The following FBXL16 variants were observed in gnomAD, a reference collection of about 807,000 sequenced individuals.
The protein encoded by FBXL16 is F-box/LRR-repeat protein 16.
Under a neutral mutation model 36.7 loss-of-function variants are expected in FBXL16, and 7 were observed. That is an observed-to-expected ratio of 0.19 (90% CI 0.11 to 0.36). The LOEUF (loss-of-function observed/expected upper bound fraction) is 0.36, where lower values mean the gene tolerates loss of function less well. Ranked by LOEUF, FBXL16 falls within the 10% of genes least tolerant of loss-of-function variation. FBXL16 has a pLI of 1.00. For missense variants in FBXL16, 463 were observed against 659.4 expected, an observed-to-expected ratio of 0.70 and a Z score of 3.26; for synonymous variants, 355 against 308.7, an observed-to-expected ratio of 1.15 and a Z score of -1.57.
Position 696,961 on chromosome 16 carries a change from C to T in FBXL16, c.445G>A (p.Val149Met), listed in dbSNP as rs374334718. ...AACTCCTTCTCGCCACCAGGCAGCA[C>T]GTTGTAGAGCTCCTTGGCATGCAGC... ...PVLHAKELYN[V>M]LPGGEKEFVN... is the part of the protein sequence containing the mutation. Residue 149 changes from valine (V) to methionine (M), a missense_variant, in exon 2 of 6, where the codon GTG becomes ATG. Coordinates refer to ENST00000397621, the MANE Select transcript of FBXL16 (RefSeq NM_153350.4). The T allele has an allele frequency of 1.2e-5, 20 of 1,600,980 alleles. No homozygotes were observed. The highest frequency in any genetic ancestry group is 3.5e-5 in the Admixed American group (2 of 57,686).
At position 695,741 on chromosome 16, in the gene FBXL16, C is replaced by T. The variant is rs1298214607; in HGVS notation, c.816G>A (p.Glu272=). ...AISQLLPNLA[E]LSLQAYHVTD... Reference sequence around the variant, plus strand: ...TCACGTGGTAGGCCTGCAGGCTCAGCTCCGCCAGGTTGGGCAGCAGCTGCG... The same window carrying T: ...TCACGTGGTAGGCCTGCAGGCTCAGTTCCGCCAGGTTGGGCAGCAGCTGCG... The change falls in exon 3 of 6, where the codon GAG becomes GAA. Residue 272 remains glutamate, a synonymous_variant. Coordinates refer to ENST00000397621, the MANE Select transcript of FBXL16 (RefSeq NM_153350.4). 3 of 1,603,206 alleles carry T rather than the reference C, an allele frequency of 1.9e-6. No individual in the cohort carries two copies. Among genetic ancestry groups the T allele is most frequent in the Admixed American group, 1.7e-5 (1 of 59,904 alleles).
chr16:704,307 G>C (rs935292919), intron 1 of FBXL16, among the ~76,000 whole-genome samples: 2 of 152,200 alleles, frequency 1.3e-5, no homozygotes, highest in Admixed American at 6.5e-5. Flanking sequence ...CCGGAAGTGG[G>C]TGTGAGCTGG....
chr16:703,934 G>A (rs1476767824), intron 1 of FBXL16, among the ~76,000 whole-genome samples: 1 of 152,248 alleles, frequency 6.6e-6, no homozygotes, highest in Admixed American at 6.5e-5. Context: ...CCAGGCAGCT[G>A]CCACTAACCA....
intron 4 of FBXL16, 120 bp from the exon 5 acceptor site, chr16:694,817 G>A: frequency 7.6e-7 from 1 of 1,318,684 alleles, no homozygotes; most frequent in Non-Finnish European, 1.1e-6. Context: ...CCCCGGAGCC[G>A]GGAGGCGGCT....
intron 1 of FBXL16, among the ~76,000 whole-genome samples, chr16:698,095 G>C (rs28699289): frequency 0.16 from 24,861 of 151,882 alleles, 6,469 homozygotes; most frequent in African/African-American, 0.55. Context: ...TCTCTGCCTC[G>C]TAGGTTCAAG....
intron 1 of FBXL16, among the ~76,000 whole-genome samples, chr16:699,290 C>T (rs910583581): frequency 2.0e-5 from 3 of 152,244 alleles, no homozygotes; most frequent in African/African-American, 7.2e-5. Flanking sequence ...CTCCTCAGGC[C>T]TCCAGTCTGT....
At position 695,899 on chromosome 16, in the gene FBXL16, C is replaced by G; in HGVS notation, c.658G>C (p.Val220Leu). The G allele has an allele frequency of 1.3e-6, 2 of 1,593,626 alleles. No individual in the cohort carries two copies. The highest frequency in any genetic ancestry group is 1.7e-6 in the Non-Finnish European group (2 of 1,165,808). The change falls in exon 3 of 6, where the codon GTG becomes CTG. Residue 220 changes from valine (V) to leucine (L), a missense_variant. Around this residue, in one of 3 missense-constraint regions of FBXL16, gnomAD observed 263 missense variants for 341.1 expected, o/e 0.77. Coordinates refer to ENST00000397621, the MANE Select transcript of FBXL16 (RefSeq NM_153350.4). Reference sequence around the variant, plus strand: ...CAGCCCGACAGCTCCAGACGCACCACGCCCTGCATCTGTTCAAGCATAACC... The same window carrying G: ...CAGCCCGACAGCTCCAGACGCACCAGGCCCTGCATCTGTTCAAGCATAACC... ...LEVMLEQMQG[V>L]VRLELSGCND...
In FBXL16 at chr16:695,588, G is replaced by A. The variant is rs769227552; in HGVS notation, c.969C>T (p.Thr323=). 4 of 1,605,802 alleles carry A rather than the reference G, an allele frequency of 2.5e-6. No individual in the cohort carries two copies. Among genetic ancestry groups the A allele is most frequent in the Non-Finnish European group, 3.4e-6 (4 of 1,179,004 alleles). The change falls in exon 3 of 6, where the codon ACC becomes ACT. Residue 323 remains threonine (T), a synonymous_variant. Coordinates refer to ENST00000397621, the MANE Select transcript of FBXL16 (RefSeq NM_153350.4). The part of the protein sequence containing the change: ...VNVVHSLPNL[T]ALSLSGCSKV... ...TGGAGCAGCCCGAGAGGCTGAGCGC[G>A]GTGAGGTTGGGCAGGCTGTGCACCA...
rs1388691068 is a variant in FBXL16 at position 694,259 on chromosome 16, G to C, written c.*16C>G. The C allele has an allele frequency of 2.9e-6, 4 of 1,360,748 alleles. No homozygotes were observed. In the African/African-American group the frequency reaches 6.1e-5, roughly 21 times the overall value. 84.3% of individuals were successfully genotyped at this position (1,360,748 alleles called of 1,614,324 possible). A position where few individuals can be genotyped will look rare whatever the true frequency, so the allele number is the denominator to read the frequency against. On this transcript the variant is annotated 3_prime_UTR_variant, in exon 6 of 6. Coordinates refer to ENST00000397621, the MANE Select transcript of FBXL16 (RefSeq NM_153350.4). The stretch of plus-strand genomic sequence containing the variant: ...GGTCATGGCCGGGTTCCCGCGACCG[G>C]GGCGGGGGCCTCGCGCTACTCAATG...
At chr16:703,859 A>T (rs933493000) in intron 1 of FBXL16, among the ~76,000 whole-genome samples, 1 of 152,220 alleles carries the variant, frequency 6.6e-6, no homozygotes, top group African/African-American at 2.4e-5. Context: ...GCCTCATCTC[A>T]GCCCCTGCTC....
In FBXL16 at chr16:694,344, G is replaced by A. The variant is rs2039993964; in HGVS notation, c.1371C>T (p.Cys457=). The A allele has an allele frequency of 8.5e-6, 13 of 1,521,302 alleles. No individual in the cohort carries two copies. The highest frequency in any genetic ancestry group is 1.1e-5 in the Non-Finnish European group (12 of 1,141,698). 94.2% of individuals were successfully genotyped at this position (1,521,302 alleles called of 1,614,324 possible). ...QELEELELTN[C]PGATPELFKY... ...TGAAGAGCTCGGGGGTGGCCCCGGG[G>A]CAGTTGGTCAGCTCCAGCTCCTCCA... The change falls in exon 6 of 6, where the codon TGC becomes TGT. Residue 457 remains cysteine, a synonymous_variant. Transcript: ENST00000397621.
chr16:704,649 C>T (rs2040078474), intron 1 of FBXL16, among the ~76,000 whole-genome samples: 1 of 152,250 alleles, frequency 6.6e-6, no homozygotes, highest in Non-Finnish European at 1.5e-5. Flanking sequence ...GGAGACGGCC[C>T]TGTGTCCAGG....
chr16:700,355 C>A (rs1458991959), intron 1 of FBXL16, among the ~76,000 whole-genome samples: 2 of 152,210 alleles, frequency 1.3e-5, no homozygotes, highest in Non-Finnish European at 2.9e-5. Flanking sequence ...ACAGAGGAGG[C>A]ACCCACAGCC....
chr16:694,203 G>A lies in FBXL16; in HGVS notation c.*72C>T, dbSNP rs2039992468. On this transcript the variant is annotated 3_prime_UTR_variant, in exon 6 of 6. Transcript: ENST00000397621. The stretch of plus-strand genomic sequence containing the variant: ...TCCCCCGAGCGCAAGGCGGGAAGAG[G>A]GGGCTCGGCGGCGCCCCGCGCCCCC... The A allele has an allele frequency of 9.0e-7, 1 of 1,115,610 alleles. No individual in the cohort carries two copies. The highest frequency in any genetic ancestry group is 1.1e-6 in the Non-Finnish European group (1 of 876,448). 69.1% of individuals were successfully genotyped at this position (1,115,610 alleles called of 1,614,324 possible).
chr16:697,058 C>A lies in FBXL16; in HGVS notation c.348G>T (p.Val116=). 1 of 1,604,126 alleles carries A rather than the reference C, an allele frequency of 6.2e-7. No individual in the cohort carries two copies. Among genetic ancestry groups the A allele is most frequent in the Non-Finnish European group, 8.5e-7 (1 of 1,175,324 alleles). The change falls in exon 2 of 6, where the codon GTG becomes GTT. Residue 116 remains valine, a synonymous_variant. Transcript: ENST00000397621. The surrounding 1 kb of genome is among the most constrained non-coding windows in gnomAD (Gnocchi z 4.6). ...GCCAGGCCTTGCACACCTGGGCCAG[C>A]ACACACTTCTCGCAGGCCGAGAAAT... ...FWYFSACEKC[V]LAQVCKAWRR...
chr16:697,648 T>G lies in FBXL16; in HGVS notation c.-14-229A>C, dbSNP rs1432734781. Among the ~76,000 whole-genome samples, 1 of 152,202 alleles carries G rather than the reference T, an allele frequency of 6.6e-6. No homozygotes were observed. The highest frequency in any genetic ancestry group is 2.4e-5 in the African/African-American group (1 of 41,454). Reference sequence around the variant, plus strand: ...CTCACTGGGCACCTACGGTATGCACTGAGCCCAACCTTCATTGCCCATGGA... The same window carrying G: ...CTCACTGGGCACCTACGGTATGCACGGAGCCCAACCTTCATTGCCCATGGA... On this transcript the variant is annotated intron_variant, in intron 1 of 5. Transcript: ENST00000397621. This position sits in a 1 kb window ranked among gnomAD's most constrained non-coding sequence, Gnocchi z 4.6.
chr16:702,319 C>G (rs2040063558), intron 1 of FBXL16, among the ~76,000 whole-genome samples: 1 of 152,172 alleles, frequency 6.6e-6, no homozygotes, highest in Non-Finnish European at 1.5e-5. Flanking sequence ...AAGCTCTTCT[C>G]CTCCATCCCT....
intron 1 of FBXL16, among the ~76,000 whole-genome samples, chr16:701,118 G>C (rs1181850865): frequency 6.6e-6 from 1 of 152,210 alleles, no homozygotes; most frequent in Non-Finnish European, 1.5e-5. Flanking sequence ...GCTCACGTTT[G>C]CCGGCGCCCA....
chr16:697,569 C>T lies in FBXL16; in HGVS notation c.-14-150G>A. ...ACAGAGAGGATGGGAGTGCCTGCTTCTCCCTCCCAGACTGTGAGCAGCAAC... is the reference window on the plus strand; with the variant it reads ...ACAGAGAGGATGGGAGTGCCTGCTTTTCCCTCCCAGACTGTGAGCAGCAAC... On this transcript the variant is annotated intron_variant, in intron 1 of 5. Transcript: ENST00000397621. The surrounding 1 kb of genome is among the most constrained non-coding windows in gnomAD (Gnocchi z 4.6). 2.8e-6 allele frequency: 3 copies of T among 1,075,866 alleles called. No homozygotes were observed. The highest frequency in any genetic ancestry group is 3.8e-6 in the Non-Finnish European group (3 of 782,780). The allele number at this position is 1,075,866 out of a possible 1,614,324, so 66.6% of individuals were successfully genotyped here.
Sources: gnomAD v4.1 joint callset for allele counts (sites outside exome capture counted in the v4.1 genomes callset) on GRCh38, gnomAD v4.1.1 for gene constraint, gnomAD v4.1.1 regional missense constraint, Gnocchi (gnomAD v3.1) non-coding constraint, MANE v1.5 for transcripts, NCBI Gene and HGNC (gene_info 2026-07-23, HGNC 2026-07-21) for gene names.